The following ACSF3 variants were observed in gnomAD, a reference collection of about 807,000 sequenced individuals.
The protein encoded by ACSF3 is acyl-CoA synthetase family member 3, also known as malonate--CoA ligase ACSF3, mitochondrial.
In ACSF3, 78 loss-of-function variants were observed where a neutral mutation model predicts 53.2. The observed-to-expected ratio is 1.47, with a 90% CI of 1.22 to 1.77. ACSF3 has a LOEUF of 1.77. ACSF3 is among the 40% of genes most tolerant of loss of function. ACSF3 has a pLI of 0.00. For synonymous variants in ACSF3, 414 were observed against 333.1 expected (o/e 1.24, Z -2.65); for missense variants, 937 against 771.1 (o/e 1.22, Z -2.55).
At chr16:89,109,557 G>A (rs1048209460) in intron 4 of ACSF3, among the ~76,000 whole-genome samples, 2 of 151,602 alleles carry the variant, frequency 1.3e-5, no homozygotes, top group African/African-American at 2.4e-5. Flanking sequence ...GATTACAGGC[G>A]CACAGCTCCA....
intron 8 of ACSF3, 113 bp downstream of exon 8, chr16:89,133,375 G>A: frequency 2.8e-6 from 4 of 1,451,794 alleles, no homozygotes; most frequent in Non-Finnish European, 3.8e-6. Flanking sequence ...TTCAGCCAAA[G>A]GCAGAAGATG....
intron 8 of ACSF3, among the ~76,000 whole-genome samples, chr16:89,138,511 G>A (rs967407092): frequency 3.3e-5 from 5 of 152,206 alleles, no homozygotes; most frequent in Non-Finnish European, 7.3e-5. Context: ...CCGATCGCGG[G>A]GATGACAGGT....
intron 8 of ACSF3, 81 bp downstream of exon 8, chr16:89,133,343 G>A (rs1201766628): frequency 6.3e-6 from 10 of 1,583,920 alleles, no homozygotes; most frequent in South Asian, 2.2e-5. Flanking sequence ...GAGTGACACC[G>A]AGGCTGGGAG....
At chr16:89,129,553 G>GT (rs979299599) in intron 7 of ACSF3, among the ~76,000 whole-genome samples, 7 of 152,218 alleles carry the variant, frequency 4.6e-5, no homozygotes, top group African/African-American at 1.7e-4. Context: ...GATTATGTGT[G>GT]TTTTTTAAAT....
intron 10 of ACSF3, chr16:89,148,275 T>G (rs1295501243): frequency 6.6e-6 from 1 of 151,902 alleles, no homozygotes; most frequent in Non-Finnish European, 1.5e-5. Context: ...ATTTTTGTAT[T>G]TTTTAGTAGA....
intron 8 of ACSF3, among the ~76,000 whole-genome samples, chr16:89,144,292 C>G (rs947209062): frequency 6.6e-6 from 1 of 152,224 alleles, no homozygotes; most frequent in Non-Finnish European, 1.5e-5. Flanking sequence ...AGGAACTGCA[C>G]GGGGAGGAGC....
chr16:89,114,506 G>T lies in ACSF3; in HGVS notation c.1126+19G>T, dbSNP rs567964124. 1.2e-6 allele frequency: 2 copies of T among 1,609,024 alleles called. No homozygotes were observed. The highest frequency in any genetic ancestry group is 1.3e-5 in the African/African-American group (1 of 75,032). ...CTGCCAGGTACGAGCACTTCCCACAGCTGCGTTCCTCTTCCACTGTGCTCT... is the reference window on the plus strand; with the variant it reads ...CTGCCAGGTACGAGCACTTCCCACATCTGCGTTCCTCTTCCACTGTGCTCT... On this transcript the variant is annotated intron_variant, in intron 6 of 10. Transcript: ENST00000614302.
chr16:89,118,021 G>A (rs1317827601), intron 6 of ACSF3, among the ~76,000 whole-genome samples: 6 of 118,434 alleles, frequency 5.1e-5, no homozygotes, highest in South Asian at 2.8e-4. Context: ...TCCCTCAGGC[G>A]CCAGGGACGT....
At chr16:89,110,777 C>T (rs1332790385) in intron 4 of ACSF3, among the ~76,000 whole-genome samples, 1 of 152,144 alleles carries the variant, frequency 6.6e-6, no homozygotes, top group Admixed American at 6.5e-5. Flanking sequence ...TGGAGTGTTC[C>T]CGTCTGCGAG....
At chr16:89,097,952 C>G (rs1974815264) in intron 1 of ACSF3, among the ~76,000 whole-genome samples, 1 of 152,194 alleles carries the variant, frequency 6.6e-6, no homozygotes, top group Admixed American at 6.5e-5. Flanking sequence ...CAGGAGATCC[C>G]TCAGCTGGCT....
rs375414491 is a variant in ACSF3, at chr16:89,133,201, A to T, written c.1305A>T (p.Glu435Asp). ...LLVRGPSVFREYWNKPEETKS... is the reference protein window; with the variant it reads ...LLVRGPSVFRDYWNKPEETKS... ...TGAGGGGACCCTCCGTGTTTCGAGAATACTGGAATAAACCAGAAGAAACTA... is the reference window on the plus strand; with the variant it reads ...TGAGGGGACCCTCCGTGTTTCGAGATTACTGGAATAAACCAGAAGAAACTA... The change falls in exon 8 of 11, where the codon GAA becomes GAT. Residue 435 changes from glutamate (E) to aspartate (D), a missense_variant. Glu to Asp is a conservative substitution (Grantham distance 45). Transcript: ENST00000614302. 3.1e-6 allele frequency: 5 copies of T among 1,614,042 alleles called. No individual in the cohort carries two copies. Among genetic ancestry groups the T allele is most frequent in the Non-Finnish European group, 4.2e-6 (5 of 1,180,038 alleles).
intron 6 of ACSF3, 57 bp from the exon 7 acceptor site, chr16:89,120,744 T>G: frequency 6.5e-7 from 1 of 1,534,924 alleles, no homozygotes; most frequent in Non-Finnish European, 9.0e-7. Context: ...TGTGTGCTTC[T>G]CTCCTCCAGG....
Position 89,119,254 on chromosome 16 carries a change from C to A in ACSF3, c.1127-1547C>A, listed in dbSNP as rs28485885. Among the ~76,000 whole-genome samples the A allele has an allele frequency of 1.1e-3, 165 of 152,338 alleles. 2 individuals carry two copies. The highest frequency in any genetic ancestry group is 3.7e-3 in the African/African-American group (152 of 41,582). ...ACACGGCCTCCCCACCTGCGGCCCC[C>A]GCCCCTACCCCAGCCGTGCCGTGTC... On this transcript the variant is annotated intron_variant, in intron 6 of 10. Coordinates refer to ENST00000614302, the MANE Select transcript of ACSF3 (RefSeq NM_001243279.3).
intron 7 of ACSF3, among the ~76,000 whole-genome samples, chr16:89,121,546 G>A (rs7500326): frequency 6.6e-6 from 1 of 152,192 alleles, no homozygotes; most frequent in Non-Finnish European, 1.5e-5. Context: ...TCATCACAGA[G>A]AAAGGTTTAG....
At chr16:89,151,643 G>A (rs1466985828) in intron 10 of ACSF3, 1 of 190,842 alleles carries the variant, frequency 5.2e-6, no homozygotes. Context: ...GTCTCGCTCT[G>A]TCGCCCAGGC....
intron 7 of ACSF3, among the ~76,000 whole-genome samples, chr16:89,132,362 CTA>C (rs1485969824): frequency 1.3e-5 from 2 of 152,256 alleles, no homozygotes; most frequent in Non-Finnish European, 2.9e-5. Flanking sequence ...CCCTCCTGAC[CTA>C]TGAGCCGAGG....
Position 89,100,940 on chromosome 16 carries a change from G to A in ACSF3, c.259G>A (p.Gly87Arg), listed in dbSNP as rs771723461. 21 of 1,613,806 alleles carry A rather than the reference G, an allele frequency of 1.3e-5. No individual in the cohort carries two copies. The highest frequency in any genetic ancestry group is 9.9e-5 in the South Asian group (9 of 91,086). The change falls in exon 3 of 11, where the codon GGG (glycine) becomes AGG (arginine). Residue 87 changes from glycine (G) to arginine (R), a missense_variant. Transcript: ENST00000614302. ...RLSQEICRLC[G>R]CVGGDLREER... ...GTCCCAGGAGATCTGCAGGCTCTGC[G>A]GGTGTGTCGGCGGGGACCTCCGGGA...
At position 89,106,957 on chromosome 16, in the gene ACSF3, C is replaced by T. The variant is rs184040789; in HGVS notation, c.822+4198C>T. The stretch of plus-strand genomic sequence containing the variant: ...CTCTGGAGATCAAAGTCACCACTGA[C>T]GAGACAGCCAGAGGCTCAGATCAGT... On this transcript the variant is annotated intron_variant, in intron 4 of 10. Coordinates refer to ENST00000614302, the MANE Select transcript of ACSF3 (RefSeq NM_001243279.3). Among the ~76,000 whole-genome samples, 89 of 152,340 alleles carry T rather than the reference C, an allele frequency of 5.8e-4. 2 individuals are homozygous for T. The East Asian group carries it at 0.011, about 19-fold the overall frequency.
chr16:89,131,502 T>A (rs879704185), intron 7 of ACSF3, among the ~76,000 whole-genome samples: 9 of 152,168 alleles, frequency 5.9e-5, no homozygotes, highest in Non-Finnish European at 1.3e-4. Flanking sequence ...TATGAGTTGC[T>A]ATTTTTCTGG....
Sources: gnomAD v4.1 joint callset for allele counts (sites outside exome capture counted in the v4.1 genomes callset) on GRCh38, gnomAD v4.1.1 for gene constraint, MANE v1.5 for transcripts, NCBI Gene and HGNC (gene_info 2026-07-23, HGNC 2026-07-21) for gene names.